VPS13B: variants seen among roughly 807,000 people sequenced by gnomAD.
VPS13B encodes vacuolar protein sorting 13 homolog B, also known as intermembrane lipid transfer protein VPS13B.
In VPS13B, 285 loss-of-function variants were observed where a neutral mutation model predicts 426.4. The ratio of observed to expected loss-of-function variants is 0.67; its 90% confidence interval spans 0.61 to 0.74. The LOEUF is 0.74. Among genes scored for constraint, VPS13B ranks in the 30% least tolerant of loss-of-function variants. The pLI, the probability that VPS13B is intolerant of heterozygous loss-of-function variation, is 0.00. For synonymous variants in VPS13B, 1,676 were observed against 1,676.4 expected, an observed-to-expected ratio of 1.00 and a Z score of 0.01; for missense variants, 4,537 against 4,782.6, an observed-to-expected ratio of 0.95 and a Z score of 1.51.
At position 99,147,855 on chromosome 8, in the gene VPS13B, A is replaced by G; in HGVS notation, c.1858A>G (p.Asn620Asp). 6.6e-7 allele frequency: 1 copy of G among 1,520,754 alleles called. No individual in the cohort carries two copies. Among genetic ancestry groups the G allele is most frequent in the Non-Finnish European group, 8.8e-7 (1 of 1,132,086 alleles). The allele number at this position is 1,520,754 out of a possible 1,614,324, so 94.2% of individuals were successfully genotyped here. A position where few individuals can be genotyped will look rare whatever the true frequency, so the allele number is the denominator to read the frequency against. ...TTTAATTTTAGATATTAAGGATGAA[A>G]ATGAAACAATACTGAATCCTGAAGA... is the stretch of plus-strand genomic sequence containing the variant. ...SRLKSDIKDE[N>D]ETILNPEEVA... The change falls in exon 14 of 62, where the codon AAT (asparagine) becomes GAT (aspartate). Residue 620 changes from asparagine (N) to aspartate (D), a missense_variant. Asn to Asp is a conservative substitution (Grantham distance 23, BLOSUM62 1). Transcript: ENST00000357162.
chr8:99,068,030 T>G (rs2132323620), intron 3 of VPS13B, among the ~76,000 whole-genome samples: 1 of 152,344 alleles, frequency 6.6e-6, no homozygotes, highest in South Asian at 2.1e-4. Context: ...TGCTATTTTA[T>G]ATTATGTAGC....
chr8:99,036,394 A>C (rs1160628750), intron 2 of VPS13B, among the ~76,000 whole-genome samples: 2 of 152,232 alleles, frequency 1.3e-5, no homozygotes, highest in Admixed American at 1.3e-4. Context: ...AGTTGTAGAC[A>C]TATATTTCAA....
rs371120818 is a variant in VPS13B at position 99,275,194 on chromosome 8, C to T, written c.2764C>T (p.Pro922Ser). 42 of 1,612,952 alleles carry T rather than the reference C, an allele frequency of 2.6e-5. No homozygotes were observed. The highest frequency in any genetic ancestry group is 3.6e-5 in the Non-Finnish European group (42 of 1,179,542). Residue 922 changes from proline (P) to serine (S), a missense_variant, in exon 19 of 62, where the codon CCA becomes TCA. Pro to Ser is a moderately conservative substitution (Grantham distance 74). Coordinates refer to ENST00000357162, the MANE Select transcript of VPS13B (RefSeq NM_152564.5). The stretch of plus-strand genomic sequence containing the variant: ...TAGAAAGCCAGAGTCTCTCTTAGCT[C>T]CAGATTTGATGGCCTTCACAATCCA... Reference protein sequence around the residue: ...ESRKPESLLAPDLMAFTIQVP... With the variant: ...ESRKPESLLASDLMAFTIQVP...
At chr8:99,680,359 T>A (rs1293638127) in intron 35 of VPS13B, among the ~76,000 whole-genome samples, 1 of 152,224 alleles carries the variant, frequency 6.6e-6, no homozygotes, top group Non-Finnish European at 1.5e-5. Flanking sequence ...GAATCACCTC[T>A]GGGGCTTGAA....
chr8:99,123,657 A>G (rs1213495080), intron 8 of VPS13B, among the ~76,000 whole-genome samples: 1 of 152,128 alleles, frequency 6.6e-6, no homozygotes, highest in African/African-American at 2.4e-5. Flanking sequence ...GACTAGGGTG[A>G]TAGCAAGTGG....
chr8:99,389,227 C>G (rs1814291081), intron 20 of VPS13B, among the ~76,000 whole-genome samples: 1 of 151,880 alleles, frequency 6.6e-6, no homozygotes, highest in Non-Finnish European at 1.5e-5. Flanking sequence ...ATTGTCAGTA[C>G]CACGAAAATT....
chr8:99,033,786 T>G (rs767610868), intron 2 of VPS13B, among the ~76,000 whole-genome samples: 5 of 151,870 alleles, frequency 3.3e-5, no homozygotes, highest in Non-Finnish European at 5.9e-5. Context: ...ATCTCAGCTA[T>G]TCGGGAGGCT....
chr8:99,444,627 G>T (rs1016730262), intron 23 of VPS13B, among the ~76,000 whole-genome samples: 1 of 151,732 alleles, frequency 6.6e-6, no homozygotes, highest in Non-Finnish European at 1.5e-5. Context: ...ACTTATTTTC[G>T]TGCTGGTTGG....
chr8:99,747,895 G>A (rs1228412429), intron 39 of VPS13B, among the ~76,000 whole-genome samples: 1 of 151,826 alleles, frequency 6.6e-6, no homozygotes, highest in African/African-American at 2.4e-5. Context: ...GATCAGAGTA[G>A]GCAACAACTG....
At chr8:99,481,459 G>T in intron 24 of VPS13B, 140 bp from the exon 25 acceptor site, 1 of 910,616 alleles carries the variant, frequency 1.1e-6, no homozygotes, top group Admixed American at 1.9e-5. Flanking sequence ...GTAAGTTAAA[G>T]TGATCAGTGA....
intron 4 of VPS13B, among the ~76,000 whole-genome samples, chr8:99,102,457 A>T (rs1042725910): frequency 6.6e-6 from 1 of 152,114 alleles, no homozygotes; most frequent in African/African-American, 2.4e-5. Flanking sequence ...CTTCTATCCG[A>T]GGCATAACTT....
At chr8:99,484,775 A>G (rs1820213727) in intron 25 of VPS13B, among the ~76,000 whole-genome samples, 1 of 151,938 alleles carries the variant, frequency 6.6e-6, no homozygotes, top group South Asian at 2.1e-4. Flanking sequence ...TGCAAGGTAA[A>G]GTTAGATCAA....
intron 8 of VPS13B, among the ~76,000 whole-genome samples, chr8:99,133,820 C>G (rs1431194209): frequency 6.6e-6 from 1 of 152,076 alleles, no homozygotes; most frequent in Non-Finnish European, 1.5e-5. Context: ...TCCAATAGTA[C>G]TATCAAAGAT....
chr8:99,017,417 T>C (rs1423266704), intron 2 of VPS13B, among the ~76,000 whole-genome samples: 1 of 152,200 alleles, frequency 6.6e-6, no homozygotes, highest in East Asian at 1.9e-4. Context: ...TCAGTGTAAT[T>C]AGTACAACTT....
chr8:99,014,740 C>T (rs916474060), intron 2 of VPS13B, among the ~76,000 whole-genome samples: 1 of 147,708 alleles, frequency 6.8e-6, no homozygotes, highest in African/African-American at 2.5e-5. Context: ...GGAAAGATGA[C>T]ATTTCCCACG....
intron 33 of VPS13B, among the ~76,000 whole-genome samples, chr8:99,608,975 G>T (rs1371761273): frequency 6.6e-6 from 1 of 152,060 alleles, no homozygotes; most frequent in Non-Finnish European, 1.5e-5. Context: ...GAACATTCAT[G>T]TGCATGTTTT....
intron 30 of VPS13B, among the ~76,000 whole-genome samples, chr8:99,525,958 G>A (rs1446528898): frequency 2.6e-5 from 4 of 152,126 alleles, no homozygotes; most frequent in African/African-American, 9.7e-5. Flanking sequence ...ACGACATTAT[G>A]GAAGATCCAT....
chr8:99,463,305 GACAA>G (rs1386967932), intron 23 of VPS13B, among the ~76,000 whole-genome samples: 4 of 152,128 alleles, frequency 2.6e-5, no homozygotes, highest in Non-Finnish European at 5.9e-5. Context: ...ATGAAATGTT[GACAA>G]ACAAGTCACG....
chr8:99,427,662 C>G (rs1422131730), intron 21 of VPS13B, among the ~76,000 whole-genome samples: 1 of 152,010 alleles, frequency 6.6e-6, no homozygotes, highest in African/African-American at 2.4e-5. Context: ...GAAGAACATT[C>G]CATGCTCATG....
Sources: gnomAD v4.1 joint callset for allele counts (sites outside exome capture counted in the v4.1 genomes callset) on GRCh38, gnomAD v4.1.1 for gene constraint, MANE v1.5 for transcripts, NCBI Gene and HGNC (gene_info 2026-07-23, HGNC 2026-07-21) for gene names.